Variants in PLD3 observed in about 807,000 individuals in gnomAD.
PLD3 encodes 5'-3' exonuclease PLD3.
PLD3 carries 31 observed loss-of-function variants against 58.4 expected under a neutral mutation model. The ratio of observed to expected loss-of-function variants is 0.53; its 90% CI spans 0.40 to 0.72. The LOEUF (loss-of-function observed/expected upper bound fraction) is 0.72. Ranked by LOEUF, PLD3 falls within the 30% of genes least tolerant of loss-of-function variation. The pLI is 0.00. For missense variants in PLD3, 595 were observed against 659.8 expected (o/e 0.90, Z 1.08); for synonymous variants, 264 against 273.4 (o/e 0.97, Z 0.34).
intron 6 of PLD3, among the ~76,000 whole-genome samples, chr19:40,369,107 A>G (rs886098010): frequency 1.3e-5 from 2 of 152,132 alleles, no homozygotes; most frequent in African/African-American, 4.8e-5. Context: ...CCTGGGCAAC[A>G]TAGTGAAACC....
intron 12 of PLD3, 21 bp downstream of exon 12, chr19:40,377,906 G>A (rs768690822): frequency 3.7e-6 from 6 of 1,613,168 alleles, no homozygotes; most frequent in African/African-American, 1.3e-5. Context: ...TGAGCACCAC[G>A]GGGCGCTGAA....
chr19:40,359,671 A>T (rs1049897975), intron 1 of PLD3: 2 of 152,120 alleles, frequency 1.3e-5, no homozygotes, highest in African/African-American at 4.8e-5. Context: ...CATAGAAGTT[A>T]TATGTGCATT....
intron 1 of PLD3, among the ~76,000 whole-genome samples, chr19:40,352,904 A>G (rs1004713979): frequency 6.6e-5 from 10 of 152,142 alleles, no homozygotes; most frequent in Non-Finnish European, 1.3e-4. Context: ...TCCAGGCTGC[A>G]GTGAGATGTG....
chr19:40,371,903 G>A lies in PLD3; in HGVS notation c.879+30G>A, dbSNP rs371298076. ...GTCTGGGGCAAGTGGGGCCTGTCAT[G>A]TCCCAGCCCCATGCCGTCACTCACA... On this transcript the variant is annotated intron_variant, in intron 9 of 12. Coordinates refer to ENST00000409735, the MANE Select transcript of PLD3 (RefSeq NM_012268.4). The A allele has an allele frequency of 7.0e-6, 11 of 1,569,200 alleles. No individual in the cohort carries two copies. The African/African-American group carries it at 1.3e-4, about 19-fold the overall frequency.
intron 10 of PLD3, among the ~76,000 whole-genome samples, chr19:40,375,830 G>A (rs945804698): frequency 5.3e-5 from 8 of 151,972 alleles, no homozygotes; most frequent in Non-Finnish European, 8.8e-5. Context: ...AGGCCGAGGC[G>A]GAAGGATCCC....
intron 5 of PLD3, 99 bp from the exon 6 acceptor site, chr19:40,367,597 A>C: frequency 1.0e-6 from 1 of 990,034 alleles, no homozygotes; most frequent in Non-Finnish European, 1.5e-6. Context: ...AAAAAAAAAT[A>C]CAGTCTATCC....
At chr19:40,374,178 G>A (rs1379722256) in intron 9 of PLD3, among the ~76,000 whole-genome samples, 5 of 152,084 alleles carry the variant, frequency 3.3e-5, no homozygotes, top group Middle Eastern at 3.2e-3. Flanking sequence ...TGCTGTTGCC[G>A]CTGGATCAGG....
rs747989645 is a variant in PLD3, at chr19:40,371,771, C to T, written c.777C>T (p.Ser259=). Residue 259 remains serine (S), a synonymous_variant, in exon 9 of 13, where the codon AGC becomes AGT. Transcript: ENST00000409735. ...ACTGGTTCCTGGGCCAGGCAGGCAG[C>T]TCCATCCCATCAACTTGGCCCCGGT... The part of the protein sequence containing the change: ...EAYWFLGQAG[S]SIPSTWPRFY... The T allele has an allele frequency of 6.2e-7, 1 of 1,613,830 alleles. No homozygotes were observed. Among genetic ancestry groups the T allele is most frequent in the Non-Finnish European group, 8.5e-7 (1 of 1,179,920 alleles).
intron 1 of PLD3, among the ~76,000 whole-genome samples, chr19:40,350,922 T>C (rs1214057367): frequency 6.6e-6 from 1 of 151,796 alleles, no homozygotes; most frequent in Non-Finnish European, 1.5e-5. Flanking sequence ...AAGGTGACAT[T>C]TGAAACAAAT....
rs2145707068 is a variant in PLD3, at chr19:40,376,860, A to G, written c.1185+86A>G. The G allele has an allele frequency of 2.3e-6, 3 of 1,304,286 alleles. No homozygotes were observed. In the South Asian group the frequency reaches 4.1e-5, roughly 18 times the overall value. The allele number at this position is 1,304,286 out of a possible 1,614,324, so 80.8% of individuals were successfully genotyped here. ...CTCATGGGACTCGTCTGTCAATGAC[A>G]AGGGCAGCCCAGAGTGAGCCCTGTC... On this transcript the variant is annotated intron_variant, in intron 11 of 12. Coordinates refer to ENST00000409735, the MANE Select transcript of PLD3 (RefSeq NM_012268.4).
At chr19:40,367,102 T>A (rs1328124222) in intron 5 of PLD3, 187 bp downstream of exon 5, 3 of 605,530 alleles carry the variant, frequency 5.0e-6, no homozygotes, top group Non-Finnish European at 8.5e-6. Context: ...AGCCACAGCG[T>A]CATCTTCTGT....
chr19:40,356,439 A>G (rs904799657), intron 1 of PLD3: 5 of 152,508 alleles, frequency 3.3e-5, no homozygotes, highest in Non-Finnish European at 7.3e-5. Context: ...GGTGGGAGAG[A>G]CTAAGTCAGA....
chr19:40,353,935 C>T (rs1045458943), intron 1 of PLD3, among the ~76,000 whole-genome samples: 1 of 152,056 alleles, frequency 6.6e-6, no homozygotes, highest in Non-Finnish European at 1.5e-5. Flanking sequence ...TGCTCTCTCA[C>T]CCAGGCTGGA....
chr19:40,377,431 G>A (rs1204517014), intron 11 of PLD3, among the ~76,000 whole-genome samples: 1 of 127,372 alleles, frequency 7.9e-6, no homozygotes, highest in African/African-American at 2.9e-5. Flanking sequence ...GGCCAGGGTC[G>A]GGGGGCACAG....
At chr19:40,350,636 C>T (rs1220630233) in intron 1 of PLD3, among the ~76,000 whole-genome samples, 1 of 151,206 alleles carries the variant, frequency 6.6e-6, no homozygotes, top group African/African-American at 2.4e-5. Flanking sequence ...CTGAGCAACT[C>T]GGGAGGCTGA....
At position 40,367,728 on chromosome 19, in the gene PLD3, T is replaced by G; in HGVS notation, c.278T>G (p.Leu93Arg). Residue 93 changes from leucine (L) to arginine (R), a missense_variant, in exon 6 of 13, where the codon CTG becomes CGG. By Grantham distance (102) the Leu-to-Arg change is moderately radical (BLOSUM62 -2). Coordinates refer to ENST00000409735, the MANE Select transcript of PLD3 (RefSeq NM_012268.4). ...AVLVESIPEG[L>R]DFPNASTGNP... Reference sequence around the variant, plus strand: ...CTGGTGGAAAGCATTCCTGAGGGCCTGGACTTCCCCAATGCCTCCACGGGG... The same window carrying G: ...CTGGTGGAAAGCATTCCTGAGGGCCGGGACTTCCCCAATGCCTCCACGGGG... The G allele has an allele frequency of 6.2e-7, 1 of 1,613,442 alleles. No homozygotes were observed.
rs2078907543 is a variant in PLD3 at position 40,365,867 on chromosome 19, CAG to C, written c.-127_-126del. The C allele has an allele frequency of 6.5e-6, 1 of 154,456 alleles. No individual in the cohort carries two copies. Among genetic ancestry groups the C allele is most frequent in the Non-Finnish European group, 1.4e-5 (1 of 69,402 alleles). 9.6% of individuals were successfully genotyped at this position (154,456 alleles called of 1,614,324 possible). ...CCCACCCTCGTTCAGCCTGTCCAGA[CAG>C]AAGCTGGGGCCCACCGGAGGTAGCT... On this transcript the variant is annotated 5_prime_UTR_variant, in exon 2 of 13. Coordinates refer to ENST00000409735, the MANE Select transcript of PLD3 (RefSeq NM_012268.4).
intron 6 of PLD3, among the ~76,000 whole-genome samples, chr19:40,368,293 G>A (rs1410903033): frequency 6.6e-6 from 1 of 152,150 alleles, no homozygotes; most frequent in Non-Finnish European, 1.5e-5. Flanking sequence ...GTAAAATGGG[G>A]CCAATTTATA....
In PLD3 at chr19:40,370,248, A is replaced by T; in HGVS notation, c.678+11A>T. The T allele has an allele frequency of 6.2e-7, 1 of 1,607,182 alleles. No homozygotes were observed. The highest frequency in any genetic ancestry group is 8.5e-7 in the Non-Finnish European group (1 of 1,176,630). On this transcript the variant is annotated intron_variant, in intron 8 of 12. Coordinates refer to ENST00000409735, the MANE Select transcript of PLD3 (RefSeq NM_012268.4). ...CGTTCACTGACCCAGGTCTGTCTGC[A>T]CCCTGTCTACCTTCCTTCCAGGCCA...
Sources: allele counts gnomAD v4.1 joint callset (sites outside exome capture counted in the v4.1 genomes callset), GRCh38; gene constraint gnomAD v4.1.1; transcripts MANE v1.5; gene names NCBI Gene and HGNC (gene_info 2026-07-23, HGNC 2026-07-21).